DGLUCY: variants seen among roughly 807,000 people sequenced by gnomAD.
DGLUCY encodes D-glutamate cyclase, mitochondrial.
DGLUCY carries 58 observed loss-of-function variants against 58.5 expected under a neutral mutation model. The observed-to-expected ratio is 0.99, with a 90% CI of 0.80 to 1.23. The LOEUF is 1.23. DGLUCY is among the 50% of genes most tolerant of loss of function. DGLUCY has a pLI of 0.00. For missense variants in DGLUCY, 779 were observed against 784.7 expected, an observed-to-expected ratio of 0.99 and a Z score of 0.09; for synonymous variants, 325 against 314.1, an observed-to-expected ratio of 1.03 and a Z score of -0.37.
intron 1 of DGLUCY, among the ~76,000 whole-genome samples, chr14:91,118,351 T>A (rs1184685747): frequency 6.6e-6 from 1 of 152,008 alleles, no homozygotes; most frequent in Non-Finnish European, 1.5e-5. Context: ...TGCCTCGGCC[T>A]CCTGAAGTGC....
At chr14:91,118,347 G>A (rs1278193714) in intron 1 of DGLUCY, among the ~76,000 whole-genome samples, 1 of 151,852 alleles carries the variant, frequency 6.6e-6, no homozygotes, top group Non-Finnish European at 1.5e-5. Context: ...CACCTGCCTC[G>A]GCCTCCTGAA....
chr14:91,170,460 C>T (rs1001151060), intron 5 of DGLUCY, among the ~76,000 whole-genome samples: 1 of 152,208 alleles, frequency 6.6e-6, no homozygotes, highest in African/African-American at 2.4e-5. Context: ...ACCAAACCTG[C>T]TTGGGATTTC....
At chr14:91,202,346 C>A (rs952358504) in intron 11 of DGLUCY, among the ~76,000 whole-genome samples, 4 of 152,084 alleles carry the variant, frequency 2.6e-5, no homozygotes, top group Admixed American at 1.3e-4. Context: ...ACCTTTCTTC[C>A]CTCTGGGTGG....
rs138560661 is a variant in DGLUCY, at chr14:91,167,386, G to C, written c.257+8G>C. 296 of 1,614,154 alleles carry C rather than the reference G, an allele frequency of 1.8e-4. No homozygotes were observed. The Middle Eastern group carries it at 4.5e-3, about 24-fold the overall frequency. On this transcript the variant is annotated splice_region_variant and intron_variant, in intron 4 of 13. Transcript: ENST00000256324. ...TGCTATCTCAGAGACCAGGTAAAAA[G>C]CTTGGGTTACTGTGGGTTGAAGCTT... is the stretch of plus-strand genomic sequence containing the variant.
intron 12 of DGLUCY, among the ~76,000 whole-genome samples, chr14:91,206,310 C>T (rs1284114510): frequency 1.3e-5 from 2 of 152,094 alleles, no homozygotes; most frequent in Admixed American, 1.3e-4. Context: ...GAGACCTAAT[C>T]ATAGGACTGC....
intron 3 of DGLUCY, 86 bp from the exon 4 acceptor site, chr14:91,167,139 C>CAAAA (rs369936973): frequency 8.3e-6 from 10 of 1,207,518 alleles, no homozygotes; most frequent in Admixed American, 3.1e-5. Flanking sequence ...AACTCCGCCT[C>CAAAA]AAAAAAAAAA....
Position 91,146,600 on chromosome 14 carries a change from G to T in DGLUCY, c.-81-11039G>T, listed in dbSNP as rs118010972. Among the ~76,000 whole-genome samples, 776 of 152,286 alleles carry T rather than the reference G, an allele frequency of 5.1e-3. 3 individuals carry two copies. The highest frequency in any genetic ancestry group is 9.0e-3 in the Non-Finnish European group (615 of 68,014). On this transcript the variant is annotated intron_variant, in intron 1 of 13. Transcript: ENST00000256324. Reference sequence around the variant, plus strand: ...GGAATGTACACCTGCAGCAAGACGAGTGGGACATTTTTGAAGCCTCAGGCC... The same window carrying T: ...GGAATGTACACCTGCAGCAAGACGATTGGGACATTTTTGAAGCCTCAGGCC...
chr14:91,200,960 G>T (rs116235761), intron 11 of DGLUCY, among the ~76,000 whole-genome samples: 3 of 151,778 alleles, frequency 2.0e-5, no homozygotes, highest in Non-Finnish European at 4.4e-5. Flanking sequence ...TCTCAAGGGT[G>T]GGGGAGGATA....
intron 11 of DGLUCY, among the ~76,000 whole-genome samples, chr14:91,202,983 A>G (rs1340380519): frequency 6.6e-6 from 1 of 152,194 alleles, no homozygotes. Context: ...TTCCATGGGC[A>G]ACTGCCATGT....
chr14:91,208,689 C>CG (rs1456067951), intron 12 of DGLUCY, among the ~76,000 whole-genome samples: 1 of 151,972 alleles, frequency 6.6e-6, no homozygotes, highest in Non-Finnish European at 1.5e-5. Flanking sequence ...GTTGAGGCTG[C>CG]GGTGAGCCAT....
intron 7 of DGLUCY, among the ~76,000 whole-genome samples, chr14:91,176,949 CT>C (rs1398867517): frequency 1.3e-5 from 2 of 151,194 alleles, no homozygotes; most frequent in African/African-American, 2.5e-5. Flanking sequence ...TTCCCTTCTT[CT>C]TTCTTCTTTC....
intron 1 of DGLUCY, among the ~76,000 whole-genome samples, chr14:91,077,706 C>T (rs944221930): frequency 2.2e-4 from 32 of 148,192 alleles, no homozygotes; most frequent in African/African-American, 7.2e-4. Context: ...GAGCCAAGAT[C>T]TTGCCGCTGC....
At chr14:91,120,162 T>TA (rs1194561789) in intron 1 of DGLUCY, among the ~76,000 whole-genome samples, 3 of 152,092 alleles carry the variant, frequency 2.0e-5, no homozygotes, top group Non-Finnish European at 2.9e-5. Context: ...CTAATACACT[T>TA]AGTGTCCTCA....
upstream of DGLUCY, among the ~76,000 whole-genome samples, chr14:91,106,159 T>G (rs2044584165): frequency 6.6e-6 from 1 of 151,324 alleles, no homozygotes; most frequent in Admixed American, 6.6e-5. Context: ...AATATAAAAA[T>G]TAGCCCGGCA....
At chr14:91,161,140 A>G (rs2047958449) in intron 3 of DGLUCY, among the ~76,000 whole-genome samples, 1 of 152,220 alleles carries the variant, frequency 6.6e-6, no homozygotes, top group Non-Finnish European at 1.5e-5. Context: ...ATCTGGGCTC[A>G]CTGCAAGCTC....
In DGLUCY at chr14:91,181,275, G is replaced by A. The variant is rs1353207138; in HGVS notation, c.820G>A (p.Glu274Lys). 1.9e-6 allele frequency: 3 copies of A among 1,614,132 alleles called. No individual in the cohort carries two copies. In the South Asian group the frequency reaches 3.3e-5, roughly 18 times the overall value. Residue 274 changes from glutamate to lysine, a missense_variant, in exon 8 of 14, where the codon GAG becomes AAG. Transcript: ENST00000256324. Reference protein sequence around the residue: ...AKAPPGCLTPERIPEVHHISQ... With the variant: ...AKAPPGCLTPKRIPEVHHISQ... ...GGCTCCACCTGGTTGTCTCACCCCA[G>A]AGAGAATTCCAGAGGTCCATCACAT...
At chr14:91,111,228 G>A (rs1055251183), upstream of DGLUCY, among the ~76,000 whole-genome samples, 1 of 148,008 alleles carries the variant, frequency 6.8e-6, no homozygotes. Context: ...GTGTGTGTGT[G>A]TGTGTGTGTG....
chr14:91,196,810 T>C (rs1279736939), intron 10 of DGLUCY, among the ~76,000 whole-genome samples: 2 of 145,996 alleles, frequency 1.4e-5, no homozygotes, highest in African/African-American at 5.1e-5. Context: ...TGTTAGAGAA[T>C]AGTGAAATCA....
chr14:91,110,668 T>C (rs2044678775), upstream of DGLUCY, among the ~76,000 whole-genome samples: 1 of 152,060 alleles, frequency 6.6e-6, no homozygotes, highest in Non-Finnish European at 1.5e-5. Flanking sequence ...TGATCTGACC[T>C]CAAGCAATCT....
Sources: gnomAD v4.1 joint callset for allele counts (sites outside exome capture counted in the v4.1 genomes callset) on GRCh38, gnomAD v4.1.1 for gene constraint, MANE v1.5 for transcripts, NCBI Gene and HGNC (gene_info 2026-07-23, HGNC 2026-07-21) for gene names.